The following ARL6IP5 variants were observed in gnomAD, a reference collection of about 807,000 sequenced individuals.
ARL6IP5 encodes the protein ARF like GTPase 6 interacting protein 5.
In ARL6IP5, 6 loss-of-function variants were observed where a neutral mutation model predicts 13.0. That is an observed-to-expected ratio of 0.46 (90% CI 0.25 to 0.91). The LOEUF is 0.91. ARL6IP5 is among the 40% of genes least tolerant of loss of function. The pLI is 0.17. For synonymous variants in ARL6IP5, 91 were observed against 91.9 expected, an observed-to-expected ratio of 0.99 and a Z score of 0.06; for missense variants, 208 against 248.8, an observed-to-expected ratio of 0.84 and a Z score of 1.10.
At position 69,085,279 on chromosome 3, in the gene ARL6IP5, C is replaced by T. The variant is rs576545934; in HGVS notation, c.176+56C>T. 1.3e-5 allele frequency: 20 copies of T among 1,561,258 alleles called. No homozygotes were observed. The South Asian group carries it at 2.0e-4, about 16-fold the overall frequency. ...ATCCGGGGCGAGCACGGAGGGGCCT[C>T]GGGGTGCAAGATCCCGGGATGTAGA... On this transcript the variant is annotated intron_variant, in intron 1 of 2. Coordinates refer to ENST00000273258, the MANE Select transcript of ARL6IP5 (RefSeq NM_006407.4).
At chr3:69,088,911 T>C (rs2092256432) in intron 1 of ARL6IP5, among the ~76,000 whole-genome samples, 1 of 152,224 alleles carries the variant, frequency 6.6e-6, no homozygotes, top group African/African-American at 2.4e-5. Context: ...ACTAAGCGTG[T>C]GATACATTCT....
chr3:69,086,427 G>A (rs541397515), intron 1 of ARL6IP5, among the ~76,000 whole-genome samples: 1 of 152,316 alleles, frequency 6.6e-6, no homozygotes, highest in East Asian at 1.9e-4. Flanking sequence ...CAGTTTCCGA[G>A]TATGGTTCAC....
At chr3:69,096,281 G>A (rs570102361) in intron 1 of ARL6IP5, among the ~76,000 whole-genome samples, 10 of 152,130 alleles carry the variant, frequency 6.6e-5, no homozygotes, top group African/African-American at 2.4e-4. Context: ...AACCAGAACA[G>A]GTGAAACAAA....
Position 69,104,839 on chromosome 3 carries a change from C to T in ARL6IP5, c.*203C>T, listed in dbSNP as rs927858014. ...CAGAAACCGAAAGAAAACCACCACC[C>T]TCCTATTGTGTCTGAAGTTTCACGT... is the stretch of plus-strand genomic sequence containing the variant. On this transcript the variant is annotated 3_prime_UTR_variant, in exon 3 of 3. Transcript: ENST00000273258. 7 of 713,726 alleles carry T rather than the reference C, an allele frequency of 9.8e-6. No homozygotes were observed. In the African/African-American group the frequency reaches 1.0e-4, roughly 11 times the overall value. The allele number at this position is 713,726 out of a possible 1,614,324, so 44.2% of individuals were successfully genotyped here. A position where few individuals can be genotyped will look rare whatever the true frequency, so the allele number is the denominator to read the frequency against.
chr3:69,096,052 TGTC>T (rs1182963164), intron 1 of ARL6IP5, among the ~76,000 whole-genome samples: 1 of 152,234 alleles, frequency 6.6e-6, no homozygotes, highest in African/African-American at 2.4e-5. Flanking sequence ...TCTGTCTGTC[TGTC>T]TTTTGTTCCA....
intron 1 of ARL6IP5, among the ~76,000 whole-genome samples, chr3:69,094,572 C>T (rs1267573497): frequency 6.6e-6 from 1 of 151,902 alleles, no homozygotes; most frequent in Non-Finnish European, 1.5e-5. Context: ...TTCGGTGAGT[C>T]AGCCTTCCTC....
chr3:69,087,479 TA>T (rs770055656), intron 1 of ARL6IP5, among the ~76,000 whole-genome samples: 435 of 141,140 alleles, frequency 3.1e-3, no homozygotes, highest in East Asian at 0.019. Context: ...GACCAATAAT[TA>T]AAAAAAAAAA....
chr3:69,089,800 C>T (rs1559652326), intron 1 of ARL6IP5: 1 of 456,656 alleles, frequency 2.2e-6, no homozygotes, highest in Non-Finnish European at 4.4e-6. Context: ...ACATTTGTGC[C>T]TCCCCCTTTA....
chr3:69,103,071 G>A (rs2092311272), intron 2 of ARL6IP5, among the ~76,000 whole-genome samples: 1 of 152,166 alleles, frequency 6.6e-6, no homozygotes, highest in Non-Finnish European at 1.5e-5. Flanking sequence ...TGCTTGTTTA[G>A]GGCTTTGTTA....
intron 2 of ARL6IP5, among the ~76,000 whole-genome samples, chr3:69,104,245 G>A (rs1490533634): frequency 1.3e-5 from 2 of 152,146 alleles, no homozygotes; most frequent in Non-Finnish European, 2.9e-5. Flanking sequence ...GTTGAATACA[G>A]CATTTTCCTT....
chr3:69,099,326 G>A (rs953564964), intron 1 of ARL6IP5, among the ~76,000 whole-genome samples: 6 of 152,162 alleles, frequency 3.9e-5, no homozygotes, highest in East Asian at 1.9e-4. Context: ...AGCCGAGATC[G>A]CGCCATTGTA....
intron 1 of ARL6IP5, among the ~76,000 whole-genome samples, chr3:69,086,481 C>CTA (rs2092248015): frequency 6.6e-6 from 1 of 152,232 alleles, no homozygotes; most frequent in Non-Finnish European, 1.5e-5. Flanking sequence ...ATGTGGGACT[C>CTA]TATACACAAT....
chr3:69,097,633 T>C (rs1006501553), intron 1 of ARL6IP5, among the ~76,000 whole-genome samples: 2 of 152,170 alleles, frequency 1.3e-5, no homozygotes, highest in Non-Finnish European at 2.9e-5. Context: ...AATTTTTTCT[T>C]TCCCAGACCA....
Position 69,085,046 on chromosome 3 carries a change from A to T in ARL6IP5, c.-2A>T. 1 of 1,613,376 alleles carries T rather than the reference A, an allele frequency of 6.2e-7. No individual in the cohort carries two copies. The highest frequency in any genetic ancestry group is 8.5e-7 in the Non-Finnish European group (1 of 1,179,660). On this transcript the variant is annotated 5_prime_UTR_variant, in exon 1 of 3. Transcript: ENST00000273258. ...GGAGGCGAAGAACGCAAAGCTGAGAACATGGACGTTAATATCGCCCCACTC... is the reference window on the plus strand; with the variant it reads ...GGAGGCGAAGAACGCAAAGCTGAGATCATGGACGTTAATATCGCCCCACTC...
chr3:69,102,335 C>T (rs1410923154), intron 2 of ARL6IP5: 1 of 449,082 alleles, frequency 2.2e-6, no homozygotes, highest in African/African-American at 2.0e-5. Flanking sequence ...GAGATGGGGT[C>T]TACTCTGTCA....
At chr3:69,098,410 ATT>A (rs1173683737) in intron 1 of ARL6IP5, among the ~76,000 whole-genome samples, 1 of 151,738 alleles carries the variant, frequency 6.6e-6, no homozygotes, top group Non-Finnish European at 1.5e-5. Flanking sequence ...AGCCCAACTA[ATT>A]TTTTGTATTT....
In ARL6IP5 at chr3:69,095,994, G is replaced by C. The variant is rs116429300; in HGVS notation, c.177-5845G>C. 5.3e-3 allele frequency among the ~76,000 whole-genome samples: 809 copies of C among 152,314 alleles called. 5 individuals carry two copies. Among genetic ancestry groups the C allele is most frequent in the African/African-American group, 0.019 (782 of 41,558 alleles). On this transcript the variant is annotated intron_variant, in intron 1 of 2. Coordinates refer to ENST00000273258, the MANE Select transcript of ARL6IP5 (RefSeq NM_006407.4). ...GGCAAGAACTGGTTCCCAGATTTCT[G>C]AGAATTTCTGTTAATCTGTAGAGGG...
At position 69,104,698 on chromosome 3, in the gene ARL6IP5, C is replaced by T. The variant is rs2092317097; in HGVS notation, c.*62C>T. 7 of 1,576,286 alleles carry T rather than the reference C, an allele frequency of 4.4e-6. No individual in the cohort carries two copies. The highest frequency in any genetic ancestry group is 1.4e-5 in the African/African-American group (1 of 73,700). ...GAGTTGCAGCTTGCCCTTGTCCAGA[C>T]CTATGTTCTGCTTGCGTTTTTGAAA... On this transcript the variant is annotated 3_prime_UTR_variant, in exon 3 of 3. Coordinates refer to ENST00000273258, the MANE Select transcript of ARL6IP5 (RefSeq NM_006407.4).
At chr3:69,098,483 G>T (rs2092294248) in intron 1 of ARL6IP5, among the ~76,000 whole-genome samples, 1 of 151,990 alleles carries the variant, frequency 6.6e-6, no homozygotes, top group South Asian at 2.1e-4. Context: ...GACCTCAGGT[G>T]ATCTGCCCGC....
Sources: allele counts gnomAD v4.1 joint callset (sites outside exome capture counted in the v4.1 genomes callset), GRCh38; gene constraint gnomAD v4.1.1; transcripts MANE v1.5; gene names NCBI Gene and HGNC (gene_info 2026-07-23, HGNC 2026-07-21).